The following DISC1 variants were observed in gnomAD, a reference collection of about 807,000 sequenced individuals.
DISC1 encodes the protein disrupted in schizophrenia 1 protein.
Under a neutral mutation model 84.5 loss-of-function variants are expected in DISC1, and 57 were observed. The ratio of observed to expected loss-of-function variants is 0.67; its 90% confidence interval spans 0.55 to 0.84. The LOEUF is 0.84. DISC1 is among the 40% of genes least tolerant of loss of function. The pLI is 0.00. For missense variants in DISC1, 1,000 were observed against 1,057.8 expected, an observed-to-expected ratio of 0.95 and a Z score of 0.76; for synonymous variants, 411 against 415.2, an observed-to-expected ratio of 0.99 and a Z score of 0.12.
chr1:231,981,316 A>C (rs549874086), intron 10 of DISC1, among the ~76,000 whole-genome samples: 15 of 152,362 alleles, frequency 9.8e-5, no homozygotes, highest in Non-Finnish European at 1.3e-4. Flanking sequence ...TAAGTTGTCT[A>C]TACCAGTGGC....
intron 9 of DISC1, among the ~76,000 whole-genome samples, chr1:231,850,386 A>G (rs949679329): frequency 1.1e-4 from 16 of 152,246 alleles, no homozygotes; most frequent in African/African-American, 3.9e-4. Context: ...CTTTTGAAAG[A>G]CATGTCTGTC....
rs1667229718 is a variant in DISC1, at chr1:232,005,029, ACTCC to A, written c.2043-3747_2043-3744del. ...CCTTCCTTCCCTCTCTCCCTCCCTCACTCCCTCCCTCCATCCTTCCTTCCTTCCT... is the reference window on the plus strand; with the variant it reads ...CCTTCCTTCCCTCTCTCCCTCCCTCACTCCCTCCATCCTTCCTTCCTTCCT... On this transcript the variant is annotated intron_variant, in intron 10 of 12. Transcript: ENST00000439617. Among the ~76,000 whole-genome samples the A allele has an allele frequency of 2.7e-4, 7 of 26,146 alleles. No individual in the cohort carries two copies. The South Asian group carries it at 9.9e-3, about 37-fold the overall frequency. 17.2% of individuals were successfully genotyped at this position (26,146 alleles called of 152,430 possible). A position where few individuals can be genotyped will look rare whatever the true frequency, so the allele number is the denominator to read the frequency against.
rs542577068 is a variant in DISC1 at position 231,704,620 on chromosome 1, C to T, written c.1117+2596C>T. On this transcript the variant is annotated intron_variant, in intron 3 of 12. Coordinates refer to ENST00000439617, the MANE Select transcript of DISC1 (RefSeq NM_018662.3). The stretch of plus-strand genomic sequence containing the variant: ...AAATACAAAAACAAAATTAGCCGGG[C>T]GTGGTGGCAGGCGCCTGTAGTCCCA... Among the ~76,000 whole-genome samples, 77 of 151,814 alleles carry T rather than the reference C, an allele frequency of 5.1e-4. 1 individual carries two copies. Among genetic ancestry groups the T allele is most frequent in the African/African-American group, 1.8e-3 (75 of 41,424 alleles).
At chr1:231,847,664 C>G (rs757328886) in intron 9 of DISC1, among the ~76,000 whole-genome samples, 53 of 152,270 alleles carry the variant, frequency 3.5e-4, no homozygotes, top group Non-Finnish European at 6.5e-4. Context: ...GGTTTGTTCC[C>G]TCATCCTAAA....
chr1:231,700,840 G>A (rs2066326312), intron 2 of DISC1, among the ~76,000 whole-genome samples: 1 of 152,172 alleles, frequency 6.6e-6, no homozygotes, highest in South Asian at 2.1e-4. Flanking sequence ...AACACAGACT[G>A]GAGGAGACGA....
intron 9 of DISC1, among the ~76,000 whole-genome samples, chr1:231,893,108 A>G (rs1219699007): frequency 6.6e-6 from 1 of 152,228 alleles, no homozygotes; most frequent in Non-Finnish European, 1.5e-5. Context: ...AGCTGCAGTT[A>G]GCTGTGTTCA....
At chr1:231,637,021 T>C (rs547176360) in intron 1 of DISC1, among the ~76,000 whole-genome samples, 22 of 152,310 alleles carry the variant, frequency 1.4e-4, no homozygotes, top group South Asian at 6.2e-4. Flanking sequence ...GTTCTCATTG[T>C]TCAATTCCCA....
At chr1:231,739,780 A>G (rs199718633) in intron 3 of DISC1, among the ~76,000 whole-genome samples, 2 of 152,184 alleles carry the variant, frequency 1.3e-5, no homozygotes, top group Non-Finnish European at 2.9e-5. Context: ...CTTGTCAATC[A>G]TTTTCAAACA....
In DISC1 at chr1:231,868,795, G is replaced by A. The variant is rs565805698; in HGVS notation, c.1981+50278G>A. On this transcript the variant is annotated intron_variant, in intron 9 of 12. Transcript: ENST00000439617. ...GGTCACTCAGGAGGCTAAGGCAGGC[G>A]GATTGCTCAAGCTCAGGAGTTTGAG... is the stretch of plus-strand genomic sequence containing the variant. 1.3e-4 allele frequency among the ~76,000 whole-genome samples: 19 copies of A among 148,398 alleles called. No individual in the cohort carries two copies. The South Asian group carries it at 2.0e-3, about 15-fold the overall frequency.
chr1:231,805,238 C>A (rs941611893), intron 8 of DISC1, among the ~76,000 whole-genome samples: 6 of 152,112 alleles, frequency 3.9e-5, no homozygotes, highest in Admixed American at 6.6e-5. Flanking sequence ...TGGTTTAAAG[C>A]CGATAGCAAA....
chr1:231,660,392 A>G (rs2061476314), intron 1 of DISC1, among the ~76,000 whole-genome samples: 1 of 152,034 alleles, frequency 6.6e-6, no homozygotes, highest in Non-Finnish European at 1.5e-5. Context: ...TCTCTTGAAG[A>G]CAGCACACCA....
chr1:231,827,675 A>G (rs2081957036), intron 9 of DISC1, among the ~76,000 whole-genome samples: 1 of 152,100 alleles, frequency 6.6e-6, no homozygotes, highest in Admixed American at 6.5e-5. Context: ...TCCTGCCCTG[A>G]CTGCTTTGAG....
At chr1:231,988,984 G>A (rs1664834063) in intron 10 of DISC1, among the ~76,000 whole-genome samples, 1 of 152,178 alleles carries the variant, frequency 6.6e-6, no homozygotes, top group African/African-American at 2.4e-5. Context: ...CCCAGACCTT[G>A]TCTATGTAAG....
chr1:231,991,399 C>G (rs1289431312), intron 10 of DISC1, among the ~76,000 whole-genome samples: 3 of 152,228 alleles, frequency 2.0e-5, no homozygotes, highest in Admixed American at 6.5e-5. Context: ...GAGGAGTGCT[C>G]TCTCCTTGTC....
intron 2 of DISC1, 148 bp from the exon 3 acceptor site, chr1:231,701,807 T>G: frequency 1.4e-6 from 1 of 693,980 alleles, no homozygotes; most frequent in East Asian, 3.0e-5. Context: ...CATCTGGCAT[T>G]GAAAAAATGT....
At chr1:231,729,524 A>G (rs932396128) in intron 3 of DISC1, among the ~76,000 whole-genome samples, 2 of 152,144 alleles carry the variant, frequency 1.3e-5, no homozygotes, top group Non-Finnish European at 2.9e-5. Context: ...TCTCTCTATT[A>G]ACATTGCCTT....
chr1:231,672,477 A>G (rs897466636), intron 1 of DISC1, among the ~76,000 whole-genome samples: 2 of 152,166 alleles, frequency 1.3e-5, no homozygotes, highest in Non-Finnish European at 2.9e-5. Context: ...CTTATCTATT[A>G]TCACTGTGCC....
At chr1:231,670,727 C>T (rs1000720021) in intron 1 of DISC1, 1 of 152,148 alleles carries the variant, frequency 6.6e-6, no homozygotes, top group Non-Finnish European at 1.5e-5. Context: ...ACCAATTTTT[C>T]AGCCTTGGTG....
intron 3 of DISC1, among the ~76,000 whole-genome samples, chr1:231,742,809 C>G (rs1024571861): frequency 2.6e-5 from 4 of 152,028 alleles, no homozygotes; most frequent in Admixed American, 6.6e-5. Context: ...ACTTGGGAGG[C>G]TGAGGCAGGA....
Sources: gnomAD v4.1 joint callset for allele counts (sites outside exome capture counted in the v4.1 genomes callset) on GRCh38, gnomAD v4.1.1 for gene constraint, MANE v1.5 for transcripts, NCBI Gene and HGNC (gene_info 2026-07-23, HGNC 2026-07-21) for gene names.